The following REPS1 variants were observed in gnomAD, a reference collection of about 807,000 sequenced individuals.
REPS1 encodes RALBP1 associated Eps domain containing 1.
A neutral mutation model predicts 100.9 loss-of-function variants in REPS1; 39 were observed. That is an observed-to-expected ratio of 0.39 (90% confidence interval 0.30 to 0.50). REPS1 has a LOEUF of 0.50. Ranked by LOEUF, REPS1 falls within the 20% of genes least tolerant of loss-of-function variation. The pLI is 0.86. For missense variants in REPS1, 821 were observed against 968.5 expected (o/e 0.85, Z 2.02); for synonymous variants, 324 against 340.3 (o/e 0.95, Z 0.53).
At chr6:138,908,883 A>G (rs1314418388) in intron 17 of REPS1, 67 bp from the exon 18 acceptor site, 3 of 1,452,590 alleles carry the variant, frequency 2.1e-6, no homozygotes, top group African/African-American at 2.8e-5. Flanking sequence ...ACTTTGCAAC[A>G]CCATTTGCTT....
At chr6:138,943,663 G>T in intron 6 of REPS1, 87 bp from the exon 7 acceptor site, 1 of 1,110,426 alleles carries the variant, frequency 9.0e-7, no homozygotes, top group Non-Finnish European at 1.3e-6. Context: ...TTTTTTAACT[G>T]GGAAAAGATA....
Position 138,945,595 on chromosome 6 carries a change from G to A in REPS1, c.380C>T (p.Ser127Phe), listed in dbSNP as rs1782561757. ...GCCAGGTGGTGGGGGAATTACACCAGAATACGACCCTTGATTTTCAGAATC... is the reference window on the plus strand; with the variant it reads ...GCCAGGTGGTGGGGGAATTACACCAAAATACGACCCTTGATTTTCAGAATC... Reference protein sequence around the residue: ...SSDSENQGSYSGVIPPPPGRG... With the variant: ...SSDSENQGSYFGVIPPPPGRG... Residue 127 changes from serine (S) to phenylalanine (F), a missense_variant, in exon 3 of 20, where the codon TCT becomes TTT. By Grantham distance (155) the Ser-to-Phe change is radical. This residue lies in a region of REPS1 where 757 missense variants were observed against 866.4 expected (regional missense o/e 0.87). Transcript: ENST00000450536. 1 of 1,613,616 alleles carries A rather than the reference G, an allele frequency of 6.2e-7. No individual in the cohort carries two copies. Among genetic ancestry groups the A allele is most frequent in the Non-Finnish European group, 8.5e-7 (1 of 1,179,864 alleles).
rs534611754 is a variant in REPS1 at position 138,948,854 on chromosome 6, T to C, written c.154-941A>G. On this transcript the variant is annotated intron_variant, in intron 1 of 19. Coordinates refer to ENST00000450536, the MANE Select transcript of REPS1 (RefSeq NM_001286611.2). The stretch of plus-strand genomic sequence containing the variant: ...CACAGGACTTCAAAAAAAGGACCTA[T>C]TAATGATTAAGCAATTGTATCACAA... 2.0e-5 allele frequency among the ~76,000 whole-genome samples: 3 copies of C among 152,322 alleles called. No individual in the cohort carries two copies. In the East Asian group the frequency reaches 5.8e-4, roughly 29 times the overall value.
At chr6:138,944,390 G>A in intron 5 of REPS1, 108 bp downstream of exon 5, 1 of 1,257,718 alleles carries the variant, frequency 8.0e-7, no homozygotes, top group South Asian at 1.5e-5. Flanking sequence ...TTAAATAAAT[G>A]AGTGGATTTG....
At chr6:138,977,130 A>G (rs1784641094) in intron 1 of REPS1, among the ~76,000 whole-genome samples, 1 of 152,216 alleles carries the variant, frequency 6.6e-6, no homozygotes, top group Admixed American at 6.5e-5. Context: ...TTGAGTTTTA[A>G]GAAAATTATA....
chr6:138,945,490 CATGT>C lies in REPS1; in HGVS notation c.474+7_474+10del. On this transcript the variant is annotated splice_region_variant and intron_variant, in intron 3 of 19. Transcript: ENST00000450536. ...GGCATCAACTGCTAATATTTACATGCATGTGATTACCTGTGCATCTGCAGATGTA... is the reference window on the plus strand; with the variant it reads ...GGCATCAACTGCTAATATTTACATGCGATTACCTGTGCATCTGCAGATGTA... 1.3e-6 allele frequency: 2 copies of C among 1,591,580 alleles called. No individual in the cohort carries two copies. Among genetic ancestry groups the C allele is most frequent in the Non-Finnish European group, 1.7e-6 (2 of 1,169,448 alleles).
Position 138,906,915 on chromosome 6 carries a change from AT to A in REPS1, c.2322+579del, listed in dbSNP as rs538416985. Among the ~76,000 whole-genome samples the A allele has an allele frequency of 8.1e-4, 120 of 148,778 alleles. 1 individual carries two copies. Among genetic ancestry groups the A allele is most frequent in the African/African-American group, 9.1e-4 (37 of 40,812 alleles). On this transcript the variant is annotated intron_variant, in intron 19 of 19. Coordinates refer to ENST00000450536, the MANE Select transcript of REPS1 (RefSeq NM_001286611.2). ...GGAACCATAAGCAATTCTGGGAGTA[AT>A]TTTTTTTTTTGACTCAATAAAGAAG...
Position 138,945,440 on chromosome 6 carries a change from G to A in REPS1, c.474+61C>T, listed in dbSNP as rs1418125750. On this transcript the variant is annotated intron_variant, in intron 3 of 19. Coordinates refer to ENST00000450536, the MANE Select transcript of REPS1 (RefSeq NM_001286611.2). ...ATTTTAATTATTAAGCTACCAATAAGAGCCTTAGTGAAGCATTTGCACAGG... is the reference window on the plus strand; with the variant it reads ...ATTTTAATTATTAAGCTACCAATAAAAGCCTTAGTGAAGCATTTGCACAGG... 5.1e-6 allele frequency: 8 copies of A among 1,578,956 alleles called. No homozygotes were observed. The East Asian group carries it at 1.6e-4, about 31-fold the overall frequency.
At chr6:138,931,927 A>T (rs1001533668) in intron 8 of REPS1, among the ~76,000 whole-genome samples, 15 of 152,218 alleles carry the variant, frequency 9.9e-5, no homozygotes, top group African/African-American at 3.1e-4. Context: ...GAAGAAAATA[A>T]ACAGAATTAA....
At chr6:138,905,501 C>T (rs1414056593) in intron 19 of REPS1, among the ~76,000 whole-genome samples, 1 of 148,020 alleles carries the variant, frequency 6.8e-6, no homozygotes, top group Non-Finnish European at 1.5e-5. Context: ...CCTTGTTAGC[C>T]AGGATGGTCT....
chr6:138,939,901 T>G (rs1782112861), intron 8 of REPS1, among the ~76,000 whole-genome samples: 1 of 152,126 alleles, frequency 6.6e-6, no homozygotes, highest in African/African-American at 2.4e-5. Context: ...CATAGAAAAA[T>G]GTGCTTAAGA....
At chr6:138,975,202 C>T (rs1784532141) in intron 1 of REPS1, among the ~76,000 whole-genome samples, 4 of 152,132 alleles carry the variant, frequency 2.6e-5, no homozygotes, top group South Asian at 4.1e-4. Flanking sequence ...CTCCCCAAAC[C>T]CCCTACTTTG....
At chr6:138,986,742 A>C (rs1405649230) in intron 1 of REPS1, among the ~76,000 whole-genome samples, 2 of 151,720 alleles carry the variant, frequency 1.3e-5, no homozygotes, top group African/African-American at 4.9e-5. Context: ...CACATACATT[A>C]GATAAGAACT....
At chr6:138,923,792 G>C (rs1780930683) in intron 10 of REPS1, among the ~76,000 whole-genome samples, 1 of 152,154 alleles carries the variant, frequency 6.6e-6, no homozygotes, top group African/African-American at 2.4e-5. Context: ...CTACAGACCA[G>C]TTTGGAACTT....
chr6:138,904,526 A>AG lies in REPS1; in HGVS notation c.*537dup, dbSNP rs1341550837. On this transcript the variant is annotated 3_prime_UTR_variant, in exon 20 of 20. Transcript: ENST00000450536. ...TATTTGTCACAAGTTGACATGTAAAAGAGGCTTCAATGTACCACATGATTT... is the reference window on the plus strand; with the variant it reads ...TATTTGTCACAAGTTGACATGTAAAAGGAGGCTTCAATGTACCACATGATTT... 3 of 152,260 alleles carry AG rather than the reference A, an allele frequency of 2.0e-5. No individual in the cohort carries two copies. Among genetic ancestry groups the AG allele is most frequent in the African/African-American group, 7.2e-5 (3 of 41,474 alleles). The allele number at this position is 152,260 out of a possible 1,614,324, so 9.4% of individuals were successfully genotyped here. A position where few individuals can be genotyped will look rare whatever the true frequency, so the allele number is the denominator to read the frequency against.
At chr6:138,952,118 T>C (rs890588024) in intron 1 of REPS1, among the ~76,000 whole-genome samples, 3 of 152,064 alleles carry the variant, frequency 2.0e-5, no homozygotes, top group African/African-American at 7.2e-5. Flanking sequence ...ATGTACATGC[T>C]CATGGTAAAA....
intron 1 of REPS1, among the ~76,000 whole-genome samples, chr6:138,957,733 G>A (rs1783489118): frequency 6.6e-6 from 1 of 152,144 alleles, no homozygotes; most frequent in South Asian, 2.1e-4. Flanking sequence ...CGGCTATGAA[G>A]GCAAACTGTG....
chr6:138,941,468 T>C lies in REPS1; in HGVS notation c.1002A>G (p.Lys334=). ...SHIWELSDFD[K]DGALTLDEFC... ...ACTCATCCAGTGTCAATGCACCATCTTTATCAAAGTCTGAGAGTTCCCTAG... is the reference window on the plus strand; with the variant it reads ...ACTCATCCAGTGTCAATGCACCATCCTTATCAAAGTCTGAGAGTTCCCTAG... The change falls in exon 8 of 20, where the codon AAA becomes AAG. Residue 334 remains lysine, a synonymous_variant. Transcript: ENST00000450536. 6.2e-7 allele frequency: 1 copy of C among 1,613,858 alleles called. No homozygotes were observed. The highest frequency in any genetic ancestry group is 1.1e-5 in the South Asian group (1 of 91,050).
At position 138,908,742 on chromosome 6, in the gene REPS1, C is replaced by T. The variant is rs1292772430; in HGVS notation, c.2142G>A (p.Arg714=). The T allele has an allele frequency of 1.2e-6, 2 of 1,614,132 alleles. No individual in the cohort carries two copies. The highest frequency in any genetic ancestry group is 2.7e-5 in the African/African-American group (2 of 75,020). The change falls in exon 18 of 20, where the codon AGG becomes AGA. Residue 714 remains arginine (R), a synonymous_variant. Transcript: ENST00000450536. ...TTTGTGTATGTTCATCAACTTCTGGCCTTAATTCATCTTCTGATTTTAATC... is the reference window on the plus strand; with the variant it reads ...TTTGTGTATGTTCATCAACTTCTGGTCTTAATTCATCTTCTGATTTTAATC... ...RRRLKSEDEL[R]PEVDEHTQKT... is the part of the protein sequence containing the mutation.
Sources: gnomAD v4.1 joint callset for allele counts (sites outside exome capture counted in the v4.1 genomes callset) on GRCh38, gnomAD v4.1.1 for gene constraint, gnomAD v4.1.1 regional missense constraint, MANE v1.5 for transcripts, NCBI Gene and HGNC (gene_info 2026-07-23, HGNC 2026-07-21) for gene names.